Variants in MMEL1 observed in about 807,000 individuals in gnomAD.
The protein encoded by MMEL1 is membrane metalloendopeptidase like 1.
MMEL1 carries 98 observed loss-of-function variants against 117.1 expected under a neutral mutation model. The observed-to-expected ratio is 0.84, with a 90% CI of 0.71 to 0.99. The LOEUF (loss-of-function observed/expected upper bound fraction) is 0.99. Among genes scored for constraint, MMEL1 ranks in the 50% least tolerant of loss-of-function variants. The pLI, the probability that MMEL1 is intolerant of heterozygous loss-of-function variation, is 0.00. For synonymous variants in MMEL1, 390 were observed against 415.1 expected, an observed-to-expected ratio of 0.94 and a Z score of 0.74; for missense variants, 1,014 against 1,049.1, an observed-to-expected ratio of 0.97 and a Z score of 0.46.
At chr1:2,596,745 G>T in intron 13 of MMEL1, 56 bp from the exon 14 acceptor site, 3 of 1,600,998 alleles carry the variant, frequency 1.9e-6, no homozygotes, top group Admixed American at 3.4e-5. Context: ...CCCAGGCCTG[G>T]CGTGGGGCCC....
At position 2,605,550 on chromosome 1, in the gene MMEL1, C is replaced by A; in HGVS notation, c.816+8G>T. 6.2e-7 allele frequency: 1 copy of A among 1,611,186 alleles called. No homozygotes were observed. Among genetic ancestry groups the A allele is most frequent in the Non-Finnish European group, 8.5e-7 (1 of 1,178,396 alleles). ...GGTCATCTGGCATTGCGGTGAGGAC[C>A]CACCCACCTTCCGGTTGCTGCCGCC... is the stretch of plus-strand genomic sequence containing the variant. On this transcript the variant is annotated splice_region_variant and intron_variant, in intron 9 of 23. Coordinates refer to ENST00000378412, the MANE Select transcript of MMEL1 (RefSeq NM_033467.4).
intron 4 of MMEL1, among the ~76,000 whole-genome samples, chr1:2,611,050 TGCTGCAGGGCCTG>T (rs1645116993): frequency 6.6e-6 from 1 of 152,224 alleles, no homozygotes. Context: ...GGGATGCTGT[TGCTGCAGGGCCTG>T]GCTGCTGGAG....
chr1:2,628,456 A>T (rs986047713), intron 2 of MMEL1, among the ~76,000 whole-genome samples: 5 of 152,326 alleles, frequency 3.3e-5, no homozygotes, highest in African/African-American at 1.2e-4. Flanking sequence ...CTGGGGTGCG[A>T]GGTCCGCCAT....
intron 11 of MMEL1, among the ~76,000 whole-genome samples, chr1:2,600,652 C>T (rs1644916454): frequency 6.6e-6 from 1 of 152,126 alleles, no homozygotes; most frequent in Non-Finnish European, 1.5e-5. Flanking sequence ...TGCCACTCCA[C>T]TCCAGTCTGC....
chr1:2,590,893 G>T lies in MMEL1; in HGVS notation c.*97C>A. 1.0e-6 allele frequency: 1 copy of T among 988,894 alleles called. No homozygotes were observed. The highest frequency in any genetic ancestry group is 1.4e-6 in the Non-Finnish European group (1 of 734,866). 61.3% of individuals were successfully genotyped at this position (988,894 alleles called of 1,614,324 possible). ...CAGGCAGGCTTGGCATGGTTGGCCG[G>T]GGCGGGACGTACACTGGGTCGCCGC... On this transcript the variant is annotated 3_prime_UTR_variant, in exon 24 of 24. Coordinates refer to ENST00000378412, the MANE Select transcript of MMEL1 (RefSeq NM_033467.4).
intron 6 of MMEL1, among the ~76,000 whole-genome samples, chr1:2,607,989 C>T (rs886593627): frequency 7.9e-5 from 12 of 152,116 alleles, no homozygotes; most frequent in Non-Finnish European, 1.8e-4. Flanking sequence ...TCCTGAGTTG[C>T]GTTCCAGTTT....
At chr1:2,620,589 G>C (rs1051330155) in intron 2 of MMEL1, among the ~76,000 whole-genome samples, 1 of 151,972 alleles carries the variant, frequency 6.6e-6, no homozygotes, top group African/African-American at 2.4e-5. Flanking sequence ...CCTGTGAGGA[G>C]GTTTAAAATC....
intron 13 of MMEL1, 73 bp downstream of exon 13, chr1:2,598,134 T>G (rs1570658571): frequency 1.4e-6 from 2 of 1,392,306 alleles, no homozygotes; most frequent in South Asian, 1.2e-5. Flanking sequence ...GGTGTTTGCC[T>G]ACAGCTTATG....
At chr1:2,632,421 GAGCTC>G (rs1638634885) in intron 1 of MMEL1, 1 of 152,406 alleles carries the variant, frequency 6.6e-6, no homozygotes, top group Admixed American at 6.5e-5. Flanking sequence ...GGACAAGTCT[GAGCTC>G]AGCTTCCACG....
intron 2 of MMEL1, among the ~76,000 whole-genome samples, chr1:2,613,822 G>C (rs1645164723): frequency 6.6e-6 from 1 of 152,128 alleles, no homozygotes; most frequent in African/African-American, 2.4e-5. Flanking sequence ...CTGCACTCCA[G>C]CCTGGGAGAC....
In MMEL1 at chr1:2,629,350, G is replaced by A. The variant is rs1243203032; in HGVS notation, c.135C>T (p.Val45=). 1 of 1,542,346 alleles carries A rather than the reference G, an allele frequency of 6.5e-7. No individual in the cohort carries two copies. The highest frequency in any genetic ancestry group is 1.2e-5 in the South Asian group (1 of 83,958). ...LVTAALVALG[V]LYADRRGKQL... is the part of the protein sequence containing the mutation. ...ACTCACCTCTGCGGTCGGCGTAGAG[G>A]ACACCCAAGGCCACCAGGGCAGCGG... The change falls in exon 2 of 24, where the codon GTC becomes GTT. Residue 45 remains valine (V), a synonymous_variant. Coordinates refer to ENST00000378412, the MANE Select transcript of MMEL1 (RefSeq NM_033467.4).
At chr1:2,607,167 C>T (rs1277553518) in intron 6 of MMEL1, 98 bp from the exon 7 acceptor site, 2 of 1,020,346 alleles carry the variant, frequency 2.0e-6, no homozygotes, top group Admixed American at 3.8e-5. Context: ...TCACAGGTCC[C>T]CACAGCCCCT....
At position 2,629,501 on chromosome 1, in the gene MMEL1, G is replaced by C. The variant is rs373607271; in HGVS notation, c.-17C>G. On this transcript the variant is annotated 5_prime_UTR_variant, in exon 2 of 24. Coordinates refer to ENST00000378412, the MANE Select transcript of MMEL1 (RefSeq NM_033467.4). ...CTTCCCCATCAGCAGGGCTCTGGAC[G>C]GGAGAGCACCGCGGAGGAACCTGCA... The C allele has an allele frequency of 6.6e-5, 97 of 1,463,808 alleles. No individual in the cohort carries two copies. The highest frequency in any genetic ancestry group is 8.7e-5 in the African/African-American group (6 of 68,834). The allele number at this position is 1,463,808 out of a possible 1,614,324, so 90.7% of individuals were successfully genotyped here. A position where few individuals can be genotyped will look rare whatever the true frequency, so the allele number is the denominator to read the frequency against.
At position 2,590,997 on chromosome 1, in the gene MMEL1, A is replaced by G. The variant is rs976706505; in HGVS notation, c.2333T>C (p.Val778Ala). 9.4e-6 allele frequency: 15 copies of G among 1,589,194 alleles called. No homozygotes were observed. The highest frequency in any genetic ancestry group is 4.1e-5 in the African/African-American group (3 of 74,068). Reference sequence around the variant, plus strand: ...AGCGCGGCAGGGCCTTGGCTACCACACGCGGCATCGCTCCTTGGGGTGCAT... The same window carrying G: ...AGCGCGGCAGGGCCTTGGCTACCACGCGCGGCATCGCTCCTTGGGGTGCAT... ...TPMHPKERCRVW is the reference protein window; with the variant it reads ...TPMHPKERCRAW Residue 778 changes from valine to alanine, a missense_variant, in exon 24 of 24, where the codon GTG becomes GCG. Coordinates refer to ENST00000378412, the MANE Select transcript of MMEL1 (RefSeq NM_033467.4).
chr1:2,592,940 T>C lies in MMEL1; in HGVS notation c.1894A>G (p.Met632Val). ...GAGAAGTTACTCCACCAATCCATCA[T>C]GTTGCCATTCTTGTCGAAGTTCCGG... ...NGRNFDKNGN[M>V]MDWWSNFSTQ... Residue 632 changes from methionine (M) to valine (V), a missense_variant, in exon 20 of 24, where the codon ATG becomes GTG. Coordinates refer to ENST00000378412, the MANE Select transcript of MMEL1 (RefSeq NM_033467.4). The C allele has an allele frequency of 6.2e-7, 1 of 1,613,718 alleles. No individual in the cohort carries two copies. Among genetic ancestry groups the C allele is most frequent in the Non-Finnish European group, 8.5e-7 (1 of 1,179,924 alleles).
chr1:2,605,707 C>T (rs1645013395), intron 8 of MMEL1, 84 bp from the exon 9 acceptor site: 3 of 1,022,924 alleles, frequency 2.9e-6, no homozygotes, highest in African/African-American at 1.6e-5. Context: ...CGCCTCCCCA[C>T]AGGACTGTGC....
At chr1:2,616,028 C>T (rs76745749) in intron 2 of MMEL1, among the ~76,000 whole-genome samples, 3,717 of 152,234 alleles carry the variant, frequency 0.024, 159 homozygotes, top group African/African-American at 0.084. Flanking sequence ...TTAAGAATTT[C>T]AAGACATACT....
At chr1:2,626,755 AT>A (rs1176089225) in intron 2 of MMEL1, among the ~76,000 whole-genome samples, 2 of 152,266 alleles carry the variant, frequency 1.3e-5, no homozygotes, top group African/African-American at 4.8e-5. Context: ...AAACAAAAAA[AT>A]CTAAGATAAC....
intron 23 of MMEL1, 70 bp from the exon 24 acceptor site, chr1:2,591,159 G>T: frequency 8.6e-7 from 1 of 1,160,680 alleles, no homozygotes; most frequent in Non-Finnish European, 1.2e-6. Flanking sequence ...TAAGTTCTCC[G>T]TGATTAAAAA....
Sources: allele counts gnomAD v4.1 joint callset (sites outside exome capture counted in the v4.1 genomes callset), GRCh38; gene constraint gnomAD v4.1.1; transcripts MANE v1.5; gene names NCBI Gene and HGNC (gene_info 2026-07-23, HGNC 2026-07-21).